Variants in LUZP1 observed in about 807,000 individuals in gnomAD.
LUZP1 encodes filamin mechanobinding actin cross-linking protein.
LUZP1 carries 25 observed loss-of-function variants against 71.3 expected under a neutral mutation model. The ratio of observed to expected loss-of-function variants is 0.35; its 90% CI spans 0.26 to 0.49. LUZP1 has a LOEUF of 0.49. LUZP1 is among the 20% of genes least tolerant of loss of function. The pLI, the probability that LUZP1 is intolerant of heterozygous loss-of-function variation, is 0.99. For synonymous variants in LUZP1, 481 were observed against 506.4 expected, an observed-to-expected ratio of 0.95 and a Z score of 0.67; for missense variants, 1,142 against 1,300.8, an observed-to-expected ratio of 0.88 and a Z score of 1.88.
chr1:23,145,941 A>G (rs1644339611), intron 2 of LUZP1, among the ~76,000 whole-genome samples: 1 of 152,218 alleles, frequency 6.6e-6, no homozygotes, highest in Non-Finnish European at 1.5e-5. Flanking sequence ...TTATGTTAGA[A>G]TATTACTACA....
exon 4 of LUZP1, chr1:23,092,253 G>T: frequency 6.2e-7 from 1 of 1,614,162 alleles, no homozygotes; most frequent in Non-Finnish European, 8.5e-7. Flanking sequence ...CAACTTGGCA[G>T]TAACAAGAGA....
Position 23,103,839 on chromosome 1 carries a change from AGAGGGAGGGAGGGAGGGAGG to A in LUZP1, c.-120+5163_-120+5182del, listed in dbSNP as rs1167440929. ...AGGAGGGAGGGAGGAAGAGAGGGAGAGAGGGAGGGAGGGAGGGAGGGAGGGAGGGAGGGAGGGAGGGAGAG... is the reference window on the plus strand; with the variant it reads ...AGGAGGGAGGGAGGAAGAGAGGGAGAGAGGGAGGGAGGGAGGGAGGGAGAG... On this transcript the variant is annotated intron_variant, in intron 3 of 4. Coordinates refer to ENST00000302291, the Ensembl canonical transcript of LUZP1. Among the ~76,000 whole-genome samples, 6 of 15,562 alleles carry A rather than the reference AGAGGGAGGGAGGGAGGGAGG, an allele frequency of 3.9e-4. 1 individual carries two copies. Among genetic ancestry groups the A allele is most frequent in the Admixed American group, 2.8e-3 (3 of 1,070 alleles). The allele number at this position is 15,562 out of a possible 152,430, so 10.2% of individuals were successfully genotyped here.
intron 2 of LUZP1, among the ~76,000 whole-genome samples, chr1:23,118,227 C>T (rs759213512): frequency 1.3e-5 from 2 of 151,782 alleles, no homozygotes; most frequent in East Asian, 1.9e-4. Context: ...CATGGTGCAA[C>T]CCCATCTCTA....
intron 2 of LUZP1, among the ~76,000 whole-genome samples, chr1:23,161,595 TAAATA>T (rs1444394851): frequency 1.6e-4 from 24 of 152,000 alleles, no homozygotes; most frequent in African/African-American, 5.3e-4. Flanking sequence ...CTCTAAAAAT[TAAATA>T]AAATAAGAAT....
At chr1:23,136,602 A>G (rs1644254681) in intron 2 of LUZP1, among the ~76,000 whole-genome samples, 1 of 151,872 alleles carries the variant, frequency 6.6e-6, no homozygotes, top group Non-Finnish European at 1.5e-5. Flanking sequence ...GGCCGCGACA[A>G]TGACAGGACT....
chr1:23,151,037 T>G (rs570207211), intron 2 of LUZP1, among the ~76,000 whole-genome samples: 1 of 152,196 alleles, frequency 6.6e-6, no homozygotes, highest in South Asian at 2.1e-4. Context: ...GATTTAGAAC[T>G]GGGTTTTTTG....
chr1:23,177,265 C>A (rs573702667), intron 1 of LUZP1, among the ~76,000 whole-genome samples: 2 of 152,262 alleles, frequency 1.3e-5, no homozygotes, highest in East Asian at 3.9e-4. Flanking sequence ...ACACACACAA[C>A]ATGTTACACA....
chr1:23,125,590 C>T (rs1178034500), intron 2 of LUZP1, among the ~76,000 whole-genome samples: 1 of 152,204 alleles, frequency 6.6e-6, no homozygotes, highest in Non-Finnish European at 1.5e-5. Flanking sequence ...TCAGTCTATA[C>T]AGCCAATTCA....
upstream of LUZP1, among the ~76,000 whole-genome samples, chr1:23,178,065 C>T (rs1224484625): frequency 6.6e-6 from 1 of 152,146 alleles, no homozygotes; most frequent in African/African-American, 2.4e-5. Flanking sequence ...TTTCCGTCCG[C>T]GATCAAGTGG....
rs59173298 is a variant in LUZP1 at position 23,157,844 on chromosome 1, C to CAA, written c.-226+10920_-226+10921dup. Among the ~76,000 whole-genome samples the CAA allele has an allele frequency of 1.5e-3, 218 of 146,062 alleles. 1 individual carries two copies. The highest frequency in any genetic ancestry group is 4.3e-3 in the African/African-American group (171 of 39,980). On this transcript the variant is annotated intron_variant, in intron 2 of 4. Transcript: ENST00000302291. ...AATAATACATAAATCTTGCCCCTAC[C>CAA]AAAAAAAAAAAAATTTAATTAGCCA...
chr1:23,142,483 G>A (rs1049890639), intron 2 of LUZP1, among the ~76,000 whole-genome samples: 1 of 152,004 alleles, frequency 6.6e-6, no homozygotes, highest in Non-Finnish European at 1.5e-5. Context: ...GATCACTGAG[G>A]AAGGAGCTGC....
chr1:23,142,698 T>TACACACACACAC (rs758077526), intron 2 of LUZP1, among the ~76,000 whole-genome samples: 1 of 101,406 alleles, frequency 9.9e-6, no homozygotes, highest in Non-Finnish European at 2.1e-5. Flanking sequence ...TATATATATA[T>TACACACACACAC]ATACACACAC....
chr1:23,093,034 T>C lies in LUZP1; in HGVS notation c.1228A>G (p.Asn410Asp), dbSNP rs1643872068. The C allele has an allele frequency of 1.9e-6, 3 of 1,614,090 alleles. No individual in the cohort carries two copies. In the East Asian group the frequency reaches 6.7e-5, roughly 36 times the overall value. The change falls in exon 4 of 5, where the codon AAC becomes GAC. Residue 410 changes from asparagine to aspartate, a missense_variant. Coordinates refer to ENST00000302291, the Ensembl canonical transcript of LUZP1. This position sits in a 1 kb window ranked among gnomAD's most constrained non-coding sequence, Gnocchi z 4.2. ...TTGCTCAGAGAATAGTTTTCATTGT[T>C]GAGAGCAAACTCCCTGTTCCGGAGT...
chr1:23,140,946 A>G (rs1216356365), intron 2 of LUZP1: 2 of 152,392 alleles, frequency 1.3e-5, no homozygotes, highest in Non-Finnish European at 2.9e-5. Context: ...CCAATGCTCA[A>G]GCACCTCACA....
intron 2 of LUZP1, among the ~76,000 whole-genome samples, chr1:23,168,180 G>A (rs1489525687): frequency 3.3e-5 from 4 of 119,768 alleles, no homozygotes; most frequent in South Asian, 3.0e-4. Flanking sequence ...CCCGCGCCCC[G>A]CGCCCGCAGC....
exon 4 of LUZP1, chr1:23,091,645 C>T: frequency 6.2e-7 from 1 of 1,614,118 alleles, no homozygotes; most frequent in East Asian, 2.2e-5. Context: ...CGAGAGACCA[C>T]TGTTTCTGGC....
At chr1:23,112,660 G>C (rs1259494888) in intron 2 of LUZP1, among the ~76,000 whole-genome samples, 1 of 152,194 alleles carries the variant, frequency 6.6e-6, no homozygotes, top group Non-Finnish European at 1.5e-5. Flanking sequence ...TTGAAAATAA[G>C]TTGAAAGTTG....
chr1:23,112,712 C>G (rs1488963056), intron 2 of LUZP1, among the ~76,000 whole-genome samples: 1 of 152,192 alleles, frequency 6.6e-6, no homozygotes, highest in Non-Finnish European at 1.5e-5. Context: ...ATTTTTGGAT[C>G]TCTAGCCTGA....
intron 2 of LUZP1, among the ~76,000 whole-genome samples, chr1:23,154,779 C>T (rs1396470322): frequency 1.4e-5 from 2 of 146,636 alleles, no homozygotes; most frequent in Admixed American, 1.4e-4. Context: ...TGGTCTCGAT[C>T]TCCTGGCCTC....
Sources: gnomAD v4.1 joint callset for allele counts (sites outside exome capture counted in the v4.1 genomes callset) on GRCh38, gnomAD v4.1.1 for gene constraint, Gnocchi (gnomAD v3.1) non-coding constraint, MANE v1.5 for transcripts, NCBI Gene and HGNC (gene_info 2026-07-23, HGNC 2026-07-21) for gene names.